The following SSX2IP variants were observed in gnomAD, a reference collection of about 807,000 sequenced individuals.
SSX2IP encodes the protein afadin- and alpha-actinin-binding protein.
In SSX2IP, 55 loss-of-function variants were observed where a neutral mutation model predicts 84.9. That is an observed-to-expected ratio of 0.65 (90% CI 0.52 to 0.81). The LOEUF is 0.81. SSX2IP is among the 30% of genes least tolerant of loss of function. SSX2IP has a pLI of 0.00. For synonymous variants in SSX2IP, 239 were observed against 234.7 expected (o/e 1.02, Z -0.17); for missense variants, 664 against 705.2 (o/e 0.94, Z 0.66).
chr1:84,687,630 C>A (rs1454262212), intron 1 of SSX2IP, among the ~76,000 whole-genome samples: 1 of 152,208 alleles, frequency 6.6e-6, no homozygotes, highest in African/African-American at 2.4e-5. Context: ...AGTCTAACTG[C>A]TGTGTGGGAC....
At chr1:84,652,886 G>C (rs1393926843) in intron 11 of SSX2IP, among the ~76,000 whole-genome samples, 1 of 151,724 alleles carries the variant, frequency 6.6e-6, no homozygotes, top group African/African-American at 2.4e-5. Flanking sequence ...AAAAAAATTA[G>C]CCGGGTGTGG....
intron 1 of SSX2IP, among the ~76,000 whole-genome samples, chr1:84,679,166 T>C (rs1399237341): frequency 6.4e-5 from 1 of 15,640 alleles, no homozygotes; most frequent in South Asian, 3.7e-3. Flanking sequence ...TAGTCATCAG[T>C]ATTGACTCTT....
At chr1:84,657,526 A>G (rs1048128224) in intron 9 of SSX2IP, among the ~76,000 whole-genome samples, 1 of 152,150 alleles carries the variant, frequency 6.6e-6, no homozygotes, top group Admixed American at 6.5e-5. Context: ...GTTCCTATCT[A>G]TACTACGATA....
Position 84,671,205 on chromosome 1 carries a change from C to A in SSX2IP, c.15G>T (p.Met5Ile). ...AAGACAGACCTGGATCTGTAACAGTCATCCAATCTCCCATAGCAATCTCTA... is the reference window on the plus strand; with the variant it reads ...AAGACAGACCTGGATCTGTAACAGTAATCCAATCTCCCATAGCAATCTCTA... MGDW[M>I]TVTDPGLSSE... The change falls in exon 2 of 14, where the codon ATG becomes ATT. Residue 5 changes from methionine to isoleucine, a missense_variant. Physicochemically the swap from Met to Ile is conservative, Grantham distance 10. Coordinates refer to ENST00000342203, the MANE Select transcript of SSX2IP (RefSeq NM_001166293.2). 1 of 1,611,532 alleles carries A rather than the reference C, an allele frequency of 6.2e-7. No individual in the cohort carries two copies. Among genetic ancestry groups the A allele is most frequent in the South Asian group, 1.1e-5 (1 of 90,720 alleles).
rs1026758122 is a variant in SSX2IP at position 84,644,504 on chromosome 1, C to T, written c.*2929G>A. On this transcript the variant is annotated 3_prime_UTR_variant, in exon 14 of 14. Transcript: ENST00000342203. ...GGGAAAAGTATATTTACTAGACTTC[C>T]ATAATCCATACTTACTTTAAATTCA... The T allele has an allele frequency of 5.9e-5, 9 of 152,170 alleles. No homozygotes were observed. The highest frequency in any genetic ancestry group is 3.3e-4 in the Admixed American group (5 of 15,270). 9.4% of individuals were successfully genotyped at this position (152,170 alleles called of 1,614,324 possible).
At chr1:84,651,837 T>G in intron 12 of SSX2IP, 46 bp downstream of exon 12, 1 of 1,167,408 alleles carries the variant, frequency 8.6e-7, no homozygotes, top group Non-Finnish European at 1.2e-6. Context: ...TGTAAATAAT[T>G]TTATTTATAT....
In SSX2IP at chr1:84,647,473, C is replaced by T; in HGVS notation, c.1805G>A (p.Ser602Asn). 6.2e-7 allele frequency: 1 copy of T among 1,611,550 alleles called. No individual in the cohort carries two copies. Among genetic ancestry groups the T allele is most frequent in the Non-Finnish European group, 8.5e-7 (1 of 1,178,714 alleles). Residue 602 changes from serine (S) to asparagine (N), a missense_variant, in exon 14 of 14, where the codon AGC (serine) becomes AAC (asparagine). Transcript: ENST00000342203. The stretch of plus-strand genomic sequence containing the variant: ...TTTTTCTACATGAGAATTTGTGTAG[C>T]TCAAGGAGCATCCACTATAGCAACC... ...QEGCYSGCSLSYTNSHVEKDD... is the reference protein window; with the variant it reads ...QEGCYSGCSLNYTNSHVEKDD...
At chr1:84,653,604 G>C (rs777720226) in intron 11 of SSX2IP, among the ~76,000 whole-genome samples, 1 of 152,184 alleles carries the variant, frequency 6.6e-6, no homozygotes, top group African/African-American at 2.4e-5. Flanking sequence ...TTGGAAACAG[G>C]TAGGAGACAA....
chr1:84,661,809 T>A (rs1359235811), intron 8 of SSX2IP, among the ~76,000 whole-genome samples: 1 of 152,214 alleles, frequency 6.6e-6, no homozygotes, highest in Non-Finnish European at 1.5e-5. Context: ...CACTGTCATG[T>A]GTGATACTGG....
At chr1:84,678,364 C>A (rs1315345465) in intron 1 of SSX2IP, among the ~76,000 whole-genome samples, 2 of 152,184 alleles carry the variant, frequency 1.3e-5, no homozygotes, top group African/African-American at 4.8e-5. Flanking sequence ...GTGCTTCCTT[C>A]TTGCACGTAT....
intron 8 of SSX2IP, among the ~76,000 whole-genome samples, chr1:84,661,435 T>C (rs1445658116): frequency 6.6e-6 from 1 of 151,950 alleles, no homozygotes; most frequent in Non-Finnish European, 1.5e-5. Flanking sequence ...ACCTCAAAAA[T>C]ACTTATTTTC....
intron 5 of SSX2IP, among the ~76,000 whole-genome samples, 174 bp downstream of exon 5, chr1:84,665,948 G>A (rs919282983): frequency 2.0e-5 from 3 of 152,170 alleles, no homozygotes; most frequent in Non-Finnish European, 4.4e-5. Context: ...GTAGTGGAGA[G>A]GGTTCCTGAG....
rs1055623443 is a variant in SSX2IP, at chr1:84,652,052, C to G, written c.1390-55G>C. 4 of 1,292,536 alleles carry G rather than the reference C, an allele frequency of 3.1e-6. No individual in the cohort carries two copies. In the African/African-American group the frequency reaches 4.4e-5, roughly 14 times the overall value. 80.1% of individuals were successfully genotyped at this position (1,292,536 alleles called of 1,614,324 possible). A position where few individuals can be genotyped will look rare whatever the true frequency, so the allele number is the denominator to read the frequency against. Reference sequence around the variant, plus strand: ...CAATATTTCAACATCCACACAGTTGCCATTTCACATGATTGCTCTAGCTAT... The same window carrying G: ...CAATATTTCAACATCCACACAGTTGGCATTTCACATGATTGCTCTAGCTAT... On this transcript the variant is annotated intron_variant, in intron 11 of 13. Transcript: ENST00000342203.
At chr1:84,679,474 A>G (rs186862536) in intron 1 of SSX2IP, among the ~76,000 whole-genome samples, 38 of 152,320 alleles carry the variant, frequency 2.5e-4, no homozygotes, top group East Asian at 7.7e-4. Flanking sequence ...TCAAAAACTG[A>G]TATTAATAAT....
chr1:84,658,773 C>G (rs563717355), intron 8 of SSX2IP, among the ~76,000 whole-genome samples: 1 of 152,298 alleles, frequency 6.6e-6, no homozygotes, highest in South Asian at 2.1e-4. Flanking sequence ...ATTTAACCCT[C>G]AGCTCATTAC....
chr1:84,674,925 T>G (rs1437967987), intron 1 of SSX2IP, among the ~76,000 whole-genome samples: 1 of 152,190 alleles, frequency 6.6e-6, no homozygotes, highest in Non-Finnish European at 1.5e-5. Context: ...CTTACGACTC[T>G]TTATCAATAC....
In SSX2IP at chr1:84,655,413, T is replaced by C. The variant is rs1040484353; in HGVS notation, c.1389+419A>G. On this transcript the variant is annotated intron_variant, in intron 11 of 13. Transcript: ENST00000342203. The stretch of plus-strand genomic sequence containing the variant: ...AAAAAAGCAAGCTGTAGAGCGTATA[T>C]ATAACAATGATGGACTGGGGAGAAG... The C allele has an allele frequency of 1.2e-5, 15 of 1,288,058 alleles. No homozygotes were observed. The African/African-American group carries it at 2.0e-4, about 17-fold the overall frequency. 79.8% of individuals were successfully genotyped at this position (1,288,058 alleles called of 1,614,324 possible). A position where few individuals can be genotyped will look rare whatever the true frequency, so the allele number is the denominator to read the frequency against.
intron 1 of SSX2IP, among the ~76,000 whole-genome samples, chr1:84,689,655 A>C (rs1054706206): frequency 6.6e-6 from 1 of 152,218 alleles, no homozygotes. Context: ...AGTATATTCT[A>C]TGTCCTGGGC....
intron 8 of SSX2IP, 125 bp from the exon 9 acceptor site, chr1:84,658,593 T>C: frequency 9.3e-7 from 1 of 1,077,984 alleles, no homozygotes; most frequent in South Asian, 2.1e-5. Context: ...TGCTGTGTCT[T>C]ATGCATATAT....
Sources: allele counts gnomAD v4.1 joint callset (sites outside exome capture counted in the v4.1 genomes callset), GRCh38; gene constraint gnomAD v4.1.1; transcripts MANE v1.5; gene names NCBI Gene and HGNC (gene_info 2026-07-23, HGNC 2026-07-21).